Variants in NKAPD1 observed in about 807,000 individuals in gnomAD.
The protein encoded by NKAPD1 is uncharacterized protein NKAPD1.
A neutral mutation model predicts 30.9 loss-of-function variants in NKAPD1; 12 were observed. The observed-to-expected ratio is 0.39, with a 90% CI of 0.25 to 0.63. NKAPD1 has a LOEUF of 0.63. Ranked by LOEUF, NKAPD1 falls within the 20% of genes least tolerant of loss-of-function variation. The probability of loss-of-function intolerance (pLI) is 0.51; values close to 1 mark genes in which losing one functional copy is unlikely to be tolerated. For missense variants in NKAPD1, 311 were observed against 344.5 expected (o/e 0.90, Z 0.77); for synonymous variants, 91 against 113.6 (o/e 0.80, Z 1.26).
Position 112,078,313 on chromosome 11 carries a change from A to G in NKAPD1, c.168A>G (p.Ser56=), listed in dbSNP as rs1299523778. The change falls in exon 3 of 6, where the codon TCA becomes TCG. Residue 56 remains serine (S), a splice_region_variant and synonymous_variant. Coordinates refer to ENST00000393047, the MANE Select transcript of NKAPD1 (RefSeq NM_018195.4). The part of the protein sequence containing the change: ...GTKRKMLPSS[S]SRMRSDGFDE... The stretch of plus-strand genomic sequence containing the variant: ...AAAGGAAAATGCTACCCAGCAGTTC[A>G]AGGTGAAGTTGCAGCTCTGAGAACT... 6.2e-7 allele frequency: 1 copy of G among 1,606,178 alleles called. No individual in the cohort carries two copies. Among genetic ancestry groups the G allele is most frequent in the African/African-American group, 1.3e-5 (1 of 74,760 alleles).
chr11:112,080,093 G>A lies in NKAPD1; in HGVS notation c.171-316G>A, dbSNP rs113339020. On this transcript the variant is annotated intron_variant, in intron 3 of 5. Transcript: ENST00000393047. ...GCCTCCCAAAGTGCTGGGATTACAG[G>A]CATGAGCCACTGCACCTGGCCTGGT... Among the ~76,000 whole-genome samples the A allele has an allele frequency of 5.5e-3, 843 of 152,244 alleles. 11 individuals carry two copies. The highest frequency in any genetic ancestry group is 0.02 in the African/African-American group (823 of 41,550).
chr11:112,082,142 T>G (rs1045394727), intron 5 of NKAPD1, 107 bp downstream of exon 5: 21 of 952,572 alleles, frequency 2.2e-5, no homozygotes, highest in Non-Finnish European at 3.2e-5. Context: ...AAAATGTAGC[T>G]AGAGAAACAA....
intron 3 of NKAPD1, among the ~76,000 whole-genome samples, chr11:112,079,912 A>G (rs753489435): frequency 6.6e-6 from 1 of 151,756 alleles, no homozygotes; most frequent in Non-Finnish European, 1.5e-5. Context: ...CCCCGGGTTC[A>G]GGCAATTTTC....
rs1482125449 is a variant in NKAPD1, at chr11:112,075,620, C to T, written c.46C>T (p.Arg16Trp). 4 of 1,607,084 alleles carry T rather than the reference C, an allele frequency of 2.5e-6. No individual in the cohort carries two copies. Among genetic ancestry groups the T allele is most frequent in the African/African-American group, 2.7e-5 (2 of 74,274 alleles). The change falls in exon 2 of 6, where the codon CGG (arginine) becomes TGG (tryptophan). Residue 16 changes from arginine (R) to tryptophan (W), a missense_variant. Physicochemically the swap from Arg to Trp is moderately radical, Grantham distance 101. Coordinates refer to ENST00000393047, the MANE Select transcript of NKAPD1 (RefSeq NM_018195.4). ...GAAGGTCCTCCTGAGGAATGTCATC[C>T]GGCACACAGATGCTCACAATAAGGT... ...LGKVLLRNVI[R>W]HTDAHNKIQE... is the part of the protein sequence containing the mutation.
Position 112,074,532 on chromosome 11 carries a change from C to T in NKAPD1, c.-393C>T. ...CAGGCTCCCTAGATACTTTCTGGGG[C>T]CCAACCGAAGGCCGTAGCCATCCAA... On this transcript the variant is annotated 5_prime_UTR_variant, in exon 1 of 6. Transcript: ENST00000393047. 2.5e-6 allele frequency: 1 copy of T among 399,034 alleles called. No homozygotes were observed. The highest frequency in any genetic ancestry group is 4.4e-6 in the Non-Finnish European group (1 of 226,110). The allele number at this position is 399,034 out of a possible 1,614,324, so 24.7% of individuals were successfully genotyped here. A position where few individuals can be genotyped will look rare whatever the true frequency, so the allele number is the denominator to read the frequency against.
At chr11:112,076,267 T>C (rs1267614603) in intron 2 of NKAPD1, among the ~76,000 whole-genome samples, 2 of 152,054 alleles carry the variant, frequency 1.3e-5, no homozygotes, top group African/African-American at 4.8e-5. Context: ...ATGAATCAGA[T>C]GGGGAGATAC....
At chr11:112,080,360 A>G (rs1463619158) in intron 3 of NKAPD1, 49 bp from the exon 4 acceptor site, 1 of 1,600,498 alleles carries the variant, frequency 6.2e-7, no homozygotes, top group Non-Finnish European at 8.5e-7. Context: ...CATAAAGTAA[A>G]CTCACAGATT....
At chr11:112,075,523 A>G in intron 1 of NKAPD1, 44 bp from the exon 2 acceptor site, 1 of 1,435,364 alleles carries the variant, frequency 7.0e-7, no homozygotes, top group Non-Finnish European at 9.7e-7. Flanking sequence ...AGATAAAGTA[A>G]TAACAGAAAT....
At chr11:112,081,726 T>C (rs1865458058) in intron 4 of NKAPD1, 1 of 407,654 alleles carries the variant, frequency 2.5e-6, no homozygotes, top group South Asian at 2.7e-5. Context: ...AGTGTAAGAG[T>C]TCGTTAGTGT....
At position 112,084,037 on chromosome 11, in the gene NKAPD1, C is replaced by T. The variant is rs986093505; in HGVS notation, c.*1065C>T. On this transcript the variant is annotated 3_prime_UTR_variant, in exon 6 of 6. Transcript: ENST00000393047. ...TATCACTGAAAGAAGGCTGGCAGAA[C>T]GCAAGTGCATTTTTTCACTGTGGGA... 3.3e-5 allele frequency: 5 copies of T among 152,544 alleles called. No individual in the cohort carries two copies. Among genetic ancestry groups the T allele is most frequent in the Non-Finnish European group, 5.9e-5 (4 of 68,018 alleles). 9.4% of individuals were successfully genotyped at this position (152,544 alleles called of 1,614,324 possible).
At chr11:112,079,175 C>A (rs545816730) in intron 3 of NKAPD1, among the ~76,000 whole-genome samples, 238 of 81,352 alleles carry the variant, frequency 2.9e-3, no homozygotes, top group African/African-American at 0.01. Flanking sequence ...GATGGAGTTT[C>A]GCTTTTGTTA....
intron 3 of NKAPD1, 74 bp from the exon 4 acceptor site, chr11:112,080,335 T>C: frequency 1.3e-6 from 2 of 1,487,796 alleles, no homozygotes; most frequent in East Asian, 4.5e-5. Context: ...TCCATGAGTT[T>C]TGTGCATGAT....
chr11:112,082,116 AAT>A, intron 5 of NKAPD1, 81 bp downstream of exon 5: 1 of 1,189,316 alleles, frequency 8.4e-7, no homozygotes, highest in South Asian at 1.3e-5. Context: ...TTTTACGAAG[AAT>A]ATACTTGCCA....
At chr11:112,080,313 C>G in intron 3 of NKAPD1, 96 bp from the exon 4 acceptor site, 1 of 1,217,778 alleles carries the variant, frequency 8.2e-7, no homozygotes, top group Middle Eastern at 2.0e-4. Context: ...GTTTCCTTCC[C>G]CCTCAGCTTG....
intron 3 of NKAPD1, among the ~76,000 whole-genome samples, chr11:112,079,303 G>A (rs542335872): frequency 5.3e-5 from 8 of 151,830 alleles, no homozygotes; most frequent in South Asian, 2.1e-4. Context: ...CTGCCACCAC[G>A]CCTGGCTAAT....
intron 3 of NKAPD1, among the ~76,000 whole-genome samples, chr11:112,079,967 C>T (rs1865410790): frequency 6.6e-6 from 1 of 152,092 alleles, no homozygotes; most frequent in African/African-American, 2.4e-5. Flanking sequence ...CGTGTGCCAC[C>T]ACACCTAACT....
At chr11:112,082,353 C>T in intron 5 of NKAPD1, 112 bp from the exon 6 acceptor site, 1 of 908,924 alleles carries the variant, frequency 1.1e-6, no homozygotes, top group Non-Finnish European at 1.6e-6. Context: ...CATTAAAGTG[C>T]TTATTTAAAA....
At chr11:112,077,302 T>C (rs182153519) in intron 2 of NKAPD1, among the ~76,000 whole-genome samples, 97 of 152,342 alleles carry the variant, frequency 6.4e-4, no homozygotes, top group African/African-American at 2.1e-3. Flanking sequence ...CTAATGAAAT[T>C]ATGCAGGAAG....
Position 112,084,141 on chromosome 11 carries a change from C to T in NKAPD1, c.*1169C>T, listed in dbSNP as rs1056014261. 4 of 152,574 alleles carry T rather than the reference C, an allele frequency of 2.6e-5. No individual in the cohort carries two copies. The highest frequency in any genetic ancestry group is 7.2e-5 in the African/African-American group (3 of 41,424). The allele number at this position is 152,574 out of a possible 1,614,324, so 9.5% of individuals were successfully genotyped here. A position where few individuals can be genotyped will look rare whatever the true frequency, so the allele number is the denominator to read the frequency against. On this transcript the variant is annotated 3_prime_UTR_variant, in exon 6 of 6. Coordinates refer to ENST00000393047, the MANE Select transcript of NKAPD1 (RefSeq NM_018195.4). The stretch of plus-strand genomic sequence containing the variant: ...TAAAAAGCTTGAAAACTCAGACTTT[C>T]GGTCTTGGTTCTGCCACTCATTGGT...
Sources: allele counts gnomAD v4.1 joint callset (sites outside exome capture counted in the v4.1 genomes callset), GRCh38; gene constraint gnomAD v4.1.1; transcripts MANE v1.5; gene names NCBI Gene and HGNC (gene_info 2026-07-23, HGNC 2026-07-21).